SAMMSON: variants seen among roughly 807,000 people sequenced by gnomAD.
The protein encoded by SAMMSON is survival associated mitochondrial melanoma specific oncogenic non-coding RNA, also known as long intergenic non-protein coding RNA 1212.
intron 4 of SAMMSON, among the ~76,000 whole-genome samples, chr3:70,168,995 A>T (rs1024731080): frequency 9.2e-5 from 14 of 152,084 alleles, no homozygotes; most frequent in African/African-American, 3.4e-4. Flanking sequence ...CTCTCCTAAT[A>T]GAAACAAGGG....
At chr3:70,406,745 G>A (rs891022348) in intron 2 of SAMMSON, among the ~76,000 whole-genome samples, 1 of 152,102 alleles carries the variant, frequency 6.6e-6, no homozygotes, top group Non-Finnish European at 1.5e-5. Context: ...TGATGGAGGA[G>A]ATTAATTGGA....
chr3:70,008,038 G>A (rs2066935881), intron 1 of SAMMSON, among the ~76,000 whole-genome samples: 1 of 152,058 alleles, frequency 6.6e-6, no homozygotes, highest in Non-Finnish European at 1.5e-5. Flanking sequence ...ATGCTGTTTT[G>A]GTTACTGTAG....
intron 3 of SAMMSON, among the ~76,000 whole-genome samples, chr3:70,020,337 G>T (rs575495284): frequency 1.3e-5 from 2 of 152,240 alleles, no homozygotes; most frequent in Admixed American, 6.5e-5. Context: ...TGGGTCTTCA[G>T]GCACCCTAGA....
intron 2 of SAMMSON, among the ~76,000 whole-genome samples, chr3:70,420,558 G>GA (rs1701303114): frequency 1.3e-5 from 2 of 152,276 alleles, no homozygotes; most frequent in East Asian, 1.9e-4. Flanking sequence ...TTAATGATTA[G>GA]AAAAAACAGA....
At chr3:70,075,466 A>G (rs1339999698) in intron 4 of SAMMSON, 2 of 152,192 alleles carry the variant, frequency 1.3e-5, no homozygotes, top group East Asian at 3.8e-4. Flanking sequence ...CTGATGCTTC[A>G]TACTCCAAAC....
Position 70,206,622 on chromosome 3 carries a change from G to A in SAMMSON, n.508-42485G>A, listed in dbSNP as rs747812317. 74 of 397,836 alleles carry A rather than the reference G, an allele frequency of 1.9e-4. 1 individual carries two copies. The Middle Eastern group carries it at 2.5e-3, about 14-fold the overall frequency. 24.6% of individuals were successfully genotyped at this position (397,836 alleles called of 1,614,324 possible). A position where few individuals can be genotyped will look rare whatever the true frequency, so the allele number is the denominator to read the frequency against. ...ATCAGTTTGGAGGTAAGAAAATGTTGTTTGGCATTCTTCAAGGGAGGACAG... is the reference window on the plus strand; with the variant it reads ...ATCAGTTTGGAGGTAAGAAAATGTTATTTGGCATTCTTCAAGGGAGGACAG... On this transcript the variant is annotated intron_variant and non_coding_transcript_variant, in intron 4 of 9. Coordinates refer to ENST00000642114, the Ensembl canonical transcript of SAMMSON.
At chr3:70,387,196 A>G (rs1283097920) in intron 9 of SAMMSON, among the ~76,000 whole-genome samples, 1 of 152,114 alleles carries the variant, frequency 6.6e-6, no homozygotes, top group African/African-American at 2.4e-5. Flanking sequence ...AAAGGATTTA[A>G]GCAGTTATTG....
At chr3:70,340,498 A>G (rs1702703807) in intron 7 of SAMMSON, among the ~76,000 whole-genome samples, 1 of 152,112 alleles carries the variant, frequency 6.6e-6, no homozygotes. Flanking sequence ...ACCTTAACTG[A>G]TAAGAGTAGT....
At chr3:70,004,065 AT>A in intron 1 of SAMMSON, among the ~76,000 whole-genome samples, 1 of 152,014 alleles carries the variant, frequency 6.6e-6, no homozygotes, top group East Asian at 1.9e-4. Context: ...GAGAGGCTGA[AT>A]TTTTCATATA....
At chr3:70,142,411 T>C (rs1224106889) in intron 4 of SAMMSON, among the ~76,000 whole-genome samples, 1 of 152,174 alleles carries the variant, frequency 6.6e-6, no homozygotes, top group African/African-American at 2.4e-5. Flanking sequence ...TTGGAGACTA[T>C]CATTCTAAGT....
intron 7 of SAMMSON, among the ~76,000 whole-genome samples, chr3:70,305,314 C>G (rs1702388524): frequency 6.6e-6 from 1 of 152,020 alleles, no homozygotes; most frequent in Non-Finnish European, 1.5e-5. Context: ...AGGTAACGCA[C>G]TTTCATGAGT....
chr3:70,306,399 C>T (rs1459553173), intron 7 of SAMMSON, among the ~76,000 whole-genome samples: 1 of 152,174 alleles, frequency 6.6e-6, no homozygotes, highest in East Asian at 1.9e-4. Context: ...GCATGAGCTA[C>T]CTCACCCGGC....
At chr3:70,267,649 C>T (rs1701932155) in intron 6 of SAMMSON, among the ~76,000 whole-genome samples, 1 of 149,672 alleles carries the variant, frequency 6.7e-6, no homozygotes, top group Non-Finnish European at 1.5e-5. Context: ...ACCTCCTGAC[C>T]TCGAGGTCCG....
chr3:70,261,201 G>A (rs982988148), intron 6 of SAMMSON, among the ~76,000 whole-genome samples: 1 of 152,138 alleles, frequency 6.6e-6, no homozygotes, highest in East Asian at 1.9e-4. Context: ...AAGACATTTG[G>A]TGGTCAAAGC....
intron 3 of SAMMSON, among the ~76,000 whole-genome samples, chr3:70,026,590 A>G (rs927156690): frequency 4.6e-5 from 7 of 152,172 alleles, no homozygotes; most frequent in Admixed American, 4.6e-4. Context: ...TCCTCTGTCC[A>G]CAACATCCTG....
At chr3:70,012,925 T>C (rs73838686) in intron 2 of SAMMSON, among the ~76,000 whole-genome samples, 2,835 of 152,264 alleles carry the variant, frequency 0.019, 52 homozygotes, top group Middle Eastern at 0.051. Context: ...TCTTCCTTTT[T>C]ATCTACCCTA....
At chr3:70,106,162 C>A (rs2067366655) in intron 4 of SAMMSON, among the ~76,000 whole-genome samples, 2 of 152,034 alleles carry the variant, frequency 1.3e-5, no homozygotes, top group Non-Finnish European at 2.9e-5. Flanking sequence ...TCTGATATAT[C>A]CACTGAATAA....
chr3:70,343,635 T>C (rs565900696), intron 7 of SAMMSON, among the ~76,000 whole-genome samples: 2 of 152,268 alleles, frequency 1.3e-5, no homozygotes, highest in South Asian at 2.1e-4. Context: ...ATCACCTTGA[T>C]AAAGGGAGGT....
intron 4 of SAMMSON, among the ~76,000 whole-genome samples, chr3:70,087,840 TATAA>T (rs1458612217): frequency 5.9e-5 from 9 of 152,186 alleles, no homozygotes; most frequent in Admixed American, 5.9e-4. Context: ...TGTGCTTATT[TATAA>T]ATAAATATAA....
Sources: allele counts gnomAD v4.1 joint callset (sites outside exome capture counted in the v4.1 genomes callset), GRCh38; gene constraint gnomAD v4.1.1; transcripts MANE v1.5; gene names NCBI Gene and HGNC (gene_info 2026-07-23, HGNC 2026-07-21).